PLPPR1: variants seen among roughly 807,000 people sequenced by gnomAD.
PLPPR1 encodes phospholipid phosphatase related 1.
In PLPPR1, 10 loss-of-function variants were observed where a neutral mutation model predicts 33.1. That is an observed-to-expected ratio of 0.30 (90% CI 0.19 to 0.51). The LOEUF is 0.51. Among genes scored for constraint, PLPPR1 ranks in the 20% least tolerant of loss-of-function variants. The pLI is 0.97. For missense variants in PLPPR1, 304 were observed against 408.1 expected (o/e 0.74, Z 2.20); for synonymous variants, 151 against 151.0 (o/e 1.00, Z 0.00).
At chr9:101,155,421 AGCAAGCATATATAT>A (rs1831667237) in intron 1 of PLPPR1, among the ~76,000 whole-genome samples, 6 of 152,282 alleles carry the variant, frequency 3.9e-5, no homozygotes, top group Admixed American at 3.3e-4. Context: ...AGGAAGGGCA[AGCAAGCATATATAT>A]GCAAGAGATT....
chr9:101,033,893 C>T (rs1428916963), intron 1 of PLPPR1, among the ~76,000 whole-genome samples: 1 of 151,990 alleles, frequency 6.6e-6, no homozygotes, highest in Non-Finnish European at 1.5e-5. Flanking sequence ...GTATAAATTA[C>T]CAGGATGATT....
intron 2 of PLPPR1, among the ~76,000 whole-genome samples, chr9:101,210,608 A>AT (rs1826672874): frequency 6.6e-6 from 1 of 152,138 alleles, no homozygotes; most frequent in Admixed American, 6.5e-5. Flanking sequence ...ATGTTGATCA[A>AT]TTTTGTTGAT....
chr9:101,162,216 G>T (rs140696270), intron 1 of PLPPR1, among the ~76,000 whole-genome samples: 9 of 152,128 alleles, frequency 5.9e-5, no homozygotes, highest in Non-Finnish European at 1.3e-4. Context: ...TCTTTCCAAA[G>T]ATTGCAATTT....
rs1260135360 is a variant in PLPPR1 at position 101,043,394 on chromosome 9, CAT to C, written c.-46+14298_-46+14299del. Among the ~76,000 whole-genome samples the C allele has an allele frequency of 1.3e-4, 20 of 149,992 alleles. No homozygotes were observed. In the South Asian group the frequency reaches 1.9e-3, roughly 14 times the overall value. ...ATATGTATATACGTATATACATACA[CAT>C]ATATACATATGTATGTGTGTATATA... is the stretch of plus-strand genomic sequence containing the variant. On this transcript the variant is annotated intron_variant, in intron 1 of 7. Transcript: ENST00000374874.
chr9:101,160,075 A>C (rs907910867), intron 1 of PLPPR1, among the ~76,000 whole-genome samples: 2 of 152,060 alleles, frequency 1.3e-5, no homozygotes, highest in Non-Finnish European at 2.9e-5. Context: ...AGGCCTCTTC[A>C]AAACCCATTT....
chr9:101,094,450 C>T (rs544808606), intron 1 of PLPPR1, among the ~76,000 whole-genome samples: 2 of 152,064 alleles, frequency 1.3e-5, no homozygotes, highest in Admixed American at 6.5e-5. Context: ...TGGAGCACAC[C>T]CACCTCACCA....
At chr9:101,139,232 G>A (rs1227077852) in intron 1 of PLPPR1, among the ~76,000 whole-genome samples, 3 of 152,292 alleles carry the variant, frequency 2.0e-5, no homozygotes, top group South Asian at 4.1e-4. Flanking sequence ...CCACCATATG[G>A]AATGTTAGCC....
At chr9:101,290,345 A>T (rs896636170) in intron 4 of PLPPR1, among the ~76,000 whole-genome samples, 1 of 152,186 alleles carries the variant, frequency 6.6e-6, no homozygotes, top group Non-Finnish European at 1.5e-5. Flanking sequence ...CTTGCAGTTT[A>T]TGTAATTATT....
intron 3 of PLPPR1, 50 bp from the exon 4 acceptor site, chr9:101,286,054 C>G (rs761092025): frequency 3.9e-6 from 6 of 1,551,420 alleles, no homozygotes; most frequent in Non-Finnish European, 5.3e-6. Context: ...ATGGGCCTCT[C>G]TTATCAAACA....
At position 101,078,110 on chromosome 9, in the gene PLPPR1, GAAGAAGAAGAAGAAGAAGA is replaced by G. The variant is rs1830564345; in HGVS notation, c.-46+49010_-46+49028del. Among the ~76,000 whole-genome samples the G allele has an allele frequency of 5.2e-4, 6 of 11,632 alleles. 1 individual carries two copies. Among genetic ancestry groups the G allele is most frequent in the South Asian group, 5.4e-3 (1 of 186 alleles). 7.6% of individuals were successfully genotyped at this position (11,632 alleles called of 152,430 possible). A position where few individuals can be genotyped will look rare whatever the true frequency, so the allele number is the denominator to read the frequency against. ...AGGAGGAGAAGGAGAAGGAGAAGAA[GAAGAAGAAGAAGAAGAAGA>G]AGAAGAAGAAGAAGAAGAAGAAGAA... On this transcript the variant is annotated intron_variant, in intron 1 of 7. Coordinates refer to ENST00000374874, the MANE Select transcript of PLPPR1 (RefSeq NM_207299.2).
intron 1 of PLPPR1, among the ~76,000 whole-genome samples, chr9:101,051,901 A>G (rs1183547500): frequency 2.6e-5 from 4 of 152,226 alleles, no homozygotes; most frequent in Admixed American, 2.6e-4. Context: ...TTAAAAAAAT[A>G]AAATGATATT....
At chr9:101,031,194 C>G (rs1044112006) in intron 1 of PLPPR1, among the ~76,000 whole-genome samples, 6 of 152,098 alleles carry the variant, frequency 3.9e-5, no homozygotes, top group Admixed American at 3.9e-4. Context: ...CTTTGAAAAC[C>G]TTGGCAAGAA....
intron 1 of PLPPR1, among the ~76,000 whole-genome samples, chr9:101,172,273 A>G (rs1825953737): frequency 6.6e-6 from 1 of 152,090 alleles, no homozygotes; most frequent in Non-Finnish European, 1.5e-5. Context: ...CAGACTGGCT[A>G]TAACATGTTA....
chr9:101,087,059 T>C (rs1247127734), intron 1 of PLPPR1, among the ~76,000 whole-genome samples: 1 of 151,874 alleles, frequency 6.6e-6, no homozygotes, highest in Admixed American at 6.6e-5. Flanking sequence ...TACACTGTAA[T>C]CCCAGCTACT....
intron 2 of PLPPR1, among the ~76,000 whole-genome samples, chr9:101,226,474 C>T (rs1007315261): frequency 6.6e-6 from 1 of 152,126 alleles, no homozygotes; most frequent in East Asian, 1.9e-4. Context: ...AAGTGTGTTT[C>T]TCATAGTTCT....
intron 2 of PLPPR1, among the ~76,000 whole-genome samples, chr9:101,214,142 C>T (rs1041019788): frequency 1.2e-4 from 18 of 152,164 alleles, no homozygotes; most frequent in African/African-American, 4.3e-4. Flanking sequence ...ATTGCTATCA[C>T]TGAAGGACTG....
intron 1 of PLPPR1, among the ~76,000 whole-genome samples, chr9:101,041,721 C>T (rs1184182834): frequency 6.6e-6 from 1 of 151,958 alleles, no homozygotes; most frequent in Non-Finnish European, 1.5e-5. Flanking sequence ...GCCTGGAGTC[C>T]CTCCTGGGGA....
At chr9:101,141,426 C>T (rs904500110) in intron 1 of PLPPR1, among the ~76,000 whole-genome samples, 3 of 152,106 alleles carry the variant, frequency 2.0e-5, no homozygotes, top group African/African-American at 7.2e-5. Context: ...GACATTATTA[C>T]CAATGGAGGA....
chr9:101,134,742 AG>A (rs1267293662), intron 1 of PLPPR1, among the ~76,000 whole-genome samples: 5 of 152,178 alleles, frequency 3.3e-5, no homozygotes, highest in South Asian at 2.1e-4. Context: ...AATAACTAAA[AG>A]ATTTTGGAAG....
Sources: allele counts gnomAD v4.1 joint callset (sites outside exome capture counted in the v4.1 genomes callset), GRCh38; gene constraint gnomAD v4.1.1; transcripts MANE v1.5; gene names NCBI Gene and HGNC (gene_info 2026-07-23, HGNC 2026-07-21).